CNGB3: variants seen among roughly 807,000 people sequenced by gnomAD.
CNGB3 encodes cyclic nucleotide gated channel subunit beta 3.
In CNGB3, 86 loss-of-function variants were observed where a neutral mutation model predicts 92.8. The observed-to-expected ratio is 0.93, with a 90% CI of 0.78 to 1.11. The LOEUF is 1.11. Among genes scored for constraint, CNGB3 ranks in the 50% least tolerant of loss-of-function variants. The pLI, the probability that CNGB3 is intolerant of heterozygous loss-of-function variation, is 0.00. For missense variants in CNGB3, 1,026 were observed against 956.8 expected (o/e 1.07, Z -0.95); for synonymous variants, 333 against 332.7 (o/e 1.00, Z -0.01).
In CNGB3 at chr8:86,602,223, G is replaced by A. The variant is rs183926028; in HGVS notation, c.1781+1870C>T. On this transcript the variant is annotated intron_variant, in intron 15 of 17. Transcript: ENST00000320005. ...TGATAGAAAACAGGCAAAGAACTCA[G>A]GTCTCGTATGTTCTGAGAAGTGTTT... Among the ~76,000 whole-genome samples, 396 of 152,244 alleles carry A rather than the reference G, an allele frequency of 2.6e-3. 10 individuals are homozygous for A. In the South Asian group the frequency reaches 0.029, roughly 11 times the overall value.
At position 86,714,731 on chromosome 8, in the gene CNGB3, A is replaced by G. The variant is rs148943795; in HGVS notation, c.338+11800T>C. ...GTCTGTTTGCTGTCTCAATGAGGAG[A>G]CTAGTGGTCTGGGCAAGTTCTCAGC... On this transcript the variant is annotated intron_variant, in intron 3 of 17. Coordinates refer to ENST00000320005, the MANE Select transcript of CNGB3 (RefSeq NM_019098.5). 1.1e-3 allele frequency among the ~76,000 whole-genome samples: 168 copies of G among 152,166 alleles called. 2 individuals are homozygous for G. The East Asian group carries it at 0.03, about 27-fold the overall frequency.
rs574313132 is a variant in CNGB3, at chr8:86,602,833, C to T, written c.1781+1260G>A. On this transcript the variant is annotated intron_variant, in intron 15 of 17. Transcript: ENST00000320005. ...TAATTCAGAGTGTGTCATTCTTTTG[C>T]CTAAAACCCTCTACTGGCATTCATT... 8.5e-5 allele frequency among the ~76,000 whole-genome samples: 13 copies of T among 152,246 alleles called. No individual in the cohort carries two copies. The South Asian group carries it at 2.5e-3, about 29-fold the overall frequency.
chr8:86,707,128 G>C (rs78266169), intron 3 of CNGB3, among the ~76,000 whole-genome samples: 1 of 152,030 alleles, frequency 6.6e-6, no homozygotes, highest in African/African-American at 2.4e-5. Flanking sequence ...AAGCTAAAAG[G>C]CTCCCATCCA....
At chr8:86,689,507 A>G (rs537396968) in intron 3 of CNGB3, among the ~76,000 whole-genome samples, 1 of 148,996 alleles carries the variant, frequency 6.7e-6, no homozygotes, top group African/African-American at 2.4e-5. Flanking sequence ...TTATATATAT[A>G]TATTTTTTTT....
intron 10 of CNGB3, among the ~76,000 whole-genome samples, chr8:86,640,141 T>C (rs1377889758): frequency 1.3e-5 from 2 of 152,110 alleles, no homozygotes; most frequent in Non-Finnish European, 2.9e-5. Context: ...AATAATTATG[T>C]TTGGTGTCTC....
chr8:86,726,785 G>T, intron 2 of CNGB3, 128 bp from the exon 3 acceptor site: 1 of 1,043,556 alleles, frequency 9.6e-7, no homozygotes, highest in Non-Finnish European at 1.5e-6. Flanking sequence ...CCTCCCCTGG[G>T]ACTTCTGCTA....
chr8:86,645,333 CT>C (rs1460588467), intron 8 of CNGB3, among the ~76,000 whole-genome samples: 76 of 151,320 alleles, frequency 5.0e-4, no homozygotes, highest in Admixed American at 2.5e-3. Flanking sequence ...TTCCTACTTC[CT>C]ACTTCCTCTT....
intron 15 of CNGB3, among the ~76,000 whole-genome samples, chr8:86,601,987 T>G (rs992236974): frequency 3.9e-5 from 6 of 152,234 alleles, no homozygotes; most frequent in Admixed American, 3.3e-4. Context: ...TCTTAGGGTA[T>G]TTCCTCCTGT....
chr8:86,582,797 G>A (rs776902712), intron 15 of CNGB3, among the ~76,000 whole-genome samples: 14 of 152,188 alleles, frequency 9.2e-5, no homozygotes, highest in Non-Finnish European at 1.5e-4. Flanking sequence ...GGAATCAATT[G>A]CCAGTGGCCT....
chr8:86,733,782 A>G (rs951829180), intron 2 of CNGB3, among the ~76,000 whole-genome samples: 3 of 152,180 alleles, frequency 2.0e-5, no homozygotes, highest in African/African-American at 7.2e-5. Context: ...TGTATATGCT[A>G]ATTGTTACTG....
intron 2 of CNGB3, among the ~76,000 whole-genome samples, chr8:86,728,478 CA>C (rs1213446508): frequency 6.6e-6 from 1 of 152,092 alleles, no homozygotes; most frequent in Non-Finnish European, 1.5e-5. Flanking sequence ...TTTACCCAAT[CA>C]AAACAAAAAT....
intron 15 of CNGB3, among the ~76,000 whole-genome samples, chr8:86,592,105 A>T (rs1376832515): frequency 6.6e-6 from 1 of 152,240 alleles, no homozygotes; most frequent in African/African-American, 2.4e-5. Context: ...CCGATTTTCC[A>T]GGTGCCGTCC....
chr8:86,724,906 T>A (rs923495800), intron 3 of CNGB3, among the ~76,000 whole-genome samples: 2 of 151,884 alleles, frequency 1.3e-5, no homozygotes, highest in Admixed American at 1.3e-4. Flanking sequence ...AAGTTGTGTG[T>A]TGGGAGAGGA....
At chr8:86,645,709 G>A (rs1823282411) in intron 8 of CNGB3, among the ~76,000 whole-genome samples, 1 of 151,172 alleles carries the variant, frequency 6.6e-6, no homozygotes, top group South Asian at 2.1e-4. Context: ...TTTTTCCAGA[G>A]TTCCTAAGTA....
chr8:86,742,642 G>C (rs1480675233), intron 1 of CNGB3, among the ~76,000 whole-genome samples: 1 of 152,136 alleles, frequency 6.6e-6, no homozygotes, highest in African/African-American at 2.4e-5. Context: ...AGCTCTTTTA[G>C]ATAATTCTAG....
chr8:86,619,648 G>A (rs1822687198), intron 13 of CNGB3, among the ~76,000 whole-genome samples: 1 of 148,758 alleles, frequency 6.7e-6, no homozygotes, highest in Admixed American at 6.7e-5. Flanking sequence ...AAGTAGAAAA[G>A]TGTATGTGAC....
At chr8:86,619,916 C>T (rs771911967) in intron 13 of CNGB3, among the ~76,000 whole-genome samples, 4 of 151,798 alleles carry the variant, frequency 2.6e-5, no homozygotes, top group African/African-American at 9.7e-5. Context: ...AAGATGAGGT[C>T]TCACTATGTT....
At chr8:86,730,325 A>G (rs1482228121) in intron 2 of CNGB3, among the ~76,000 whole-genome samples, 1 of 152,208 alleles carries the variant, frequency 6.6e-6, no homozygotes, top group Non-Finnish European at 1.5e-5. Context: ...AGAACCTAAT[A>G]TGGGAATAAG....
intron 3 of CNGB3, among the ~76,000 whole-genome samples, chr8:86,717,020 G>GA (rs1728551518): frequency 6.6e-6 from 1 of 152,066 alleles, no homozygotes. Flanking sequence ...TAAAGGGATG[G>GA]AAAAAGATAT....
Sources: allele counts gnomAD v4.1 joint callset (sites outside exome capture counted in the v4.1 genomes callset), GRCh38; gene constraint gnomAD v4.1.1; transcripts MANE v1.5; gene names NCBI Gene and HGNC (gene_info 2026-07-23, HGNC 2026-07-21).